Variants in FMN2 observed in about 807,000 individuals in gnomAD.
FMN2 encodes the protein formin 2.
In FMN2, 51 loss-of-function variants were observed where a neutral mutation model predicts 142.3. That is an observed-to-expected ratio of 0.36 (90% CI 0.29 to 0.45). The LOEUF is 0.45. Ranked by LOEUF, FMN2 falls within the 20% of genes least tolerant of loss-of-function variation. The pLI is 1.00. For synonymous variants in FMN2, 882 were observed against 869.8 expected (o/e 1.01, Z -0.25); for missense variants, 1,936 against 2,122.8 (o/e 0.91, Z 1.73).
At chr1:240,371,705 AT>A (rs752388390) in intron 14 of FMN2, among the ~76,000 whole-genome samples, 1 of 152,158 alleles carries the variant, frequency 6.6e-6, no homozygotes, top group Non-Finnish European at 1.5e-5. Context: ...CTGCCAGTTT[AT>A]TAATTTTCTG....
intron 14 of FMN2, among the ~76,000 whole-genome samples, chr1:240,390,304 G>T (rs1319774867): frequency 6.6e-6 from 1 of 152,146 alleles, no homozygotes; most frequent in East Asian, 1.9e-4. Context: ...CTTTATGATT[G>T]TGATATGGCT....
intron 10 of FMN2, among the ~76,000 whole-genome samples, chr1:240,329,811 T>TC (rs200344013): frequency 6.6e-6 from 1 of 151,884 alleles, no homozygotes. Flanking sequence ...CTTTTTTTTT[T>TC]ACTTTCTTTC....
intron 6 of FMN2, among the ~76,000 whole-genome samples, chr1:240,223,293 T>A (rs889735554): frequency 2.6e-5 from 4 of 152,176 alleles, no homozygotes; most frequent in Non-Finnish European, 5.9e-5. Context: ...ACGTTTTTGA[T>A]TTATGTATGT....
chr1:240,435,333 A>C (rs1259118240), intron 15 of FMN2, among the ~76,000 whole-genome samples: 1 of 152,006 alleles, frequency 6.6e-6, no homozygotes, highest in Non-Finnish European at 1.5e-5. Flanking sequence ...AAATTATTGA[A>C]TAATCAGAAT....
intron 14 of FMN2, among the ~76,000 whole-genome samples, chr1:240,381,491 G>A (rs1414862889): frequency 3.3e-5 from 5 of 151,972 alleles, no homozygotes; most frequent in South Asian, 2.1e-4. Context: ...GTGCAGTGGC[G>A]AGGTCTTGGC....
At chr1:240,306,770 T>C (rs569539013) in intron 8 of FMN2, among the ~76,000 whole-genome samples, 1 of 152,352 alleles carries the variant, frequency 6.6e-6, no homozygotes, top group Non-Finnish European at 1.5e-5. Context: ...TACCCACTAA[T>C]GGGATTGCTG....
intron 6 of FMN2, among the ~76,000 whole-genome samples, chr1:240,234,370 C>T (rs1319044943): frequency 1.3e-5 from 2 of 151,984 alleles, no homozygotes; most frequent in Admixed American, 6.6e-5. Context: ...GAACTTCTGT[C>T]GGAGAAGATA....
At chr1:240,345,555 C>G (rs1181536762) in intron 13 of FMN2, among the ~76,000 whole-genome samples, 3 of 152,148 alleles carry the variant, frequency 2.0e-5, no homozygotes, top group Non-Finnish European at 4.4e-5. Context: ...ACTGCAACCT[C>G]TGCCTCCTGG....
chr1:240,307,895 C>T (rs762154019), intron 8 of FMN2, among the ~76,000 whole-genome samples: 2 of 152,092 alleles, frequency 1.3e-5, no homozygotes, highest in African/African-American at 2.4e-5. Flanking sequence ...TTGTTTGTGT[C>T]GTCTATGATT....
chr1:240,408,930 G>T (rs16839930), intron 15 of FMN2, among the ~76,000 whole-genome samples: 2 of 152,024 alleles, frequency 1.3e-5, no homozygotes, highest in African/African-American at 4.8e-5. Flanking sequence ...AATTTCTGTT[G>T]TTGTGAGTGT....
intron 13 of FMN2, among the ~76,000 whole-genome samples, chr1:240,351,733 C>G (rs1224241561): frequency 1.3e-5 from 2 of 152,120 alleles, no homozygotes; most frequent in Admixed American, 6.5e-5. Context: ...TTTGTCACAG[C>G]CAGTCTGTGA....
intron 8 of FMN2, among the ~76,000 whole-genome samples, chr1:240,325,417 A>G (rs536456730): frequency 3.2e-4 from 48 of 152,170 alleles, no homozygotes; most frequent in East Asian, 5.8e-4. Context: ...ACATAGGTTA[A>G]AAAAAGAGTG....
chr1:240,192,640 TTCC>T (rs896363136), intron 4 of FMN2, among the ~76,000 whole-genome samples: 2 of 152,186 alleles, frequency 1.3e-5, no homozygotes, highest in African/African-American at 4.8e-5. Flanking sequence ...CCTTGAAGTC[TTCC>T]TCAGTGTCTA....
chr1:240,144,904 C>T (rs777760442), intron 2 of FMN2: 7 of 1,368,640 alleles, frequency 5.1e-6, no homozygotes, highest in Middle Eastern at 1.8e-4. Flanking sequence ...GCCTGATATA[C>T]TCATGACTCC....
chr1:240,135,775 G>A (rs1362146626), intron 2 of FMN2, among the ~76,000 whole-genome samples: 4 of 151,564 alleles, frequency 2.6e-5, no homozygotes, highest in East Asian at 1.9e-4. Context: ...CGCCTCCTGG[G>A]TTCAAGCGAT....
At chr1:240,221,942 G>A (rs1667132193) in intron 6 of FMN2, among the ~76,000 whole-genome samples, 1 of 150,426 alleles carries the variant, frequency 6.6e-6, no homozygotes, top group South Asian at 2.1e-4. Flanking sequence ...CTGCCTCCTG[G>A]GTTCAAGCAA....
rs532598093 is a variant in FMN2 at position 240,097,500 on chromosome 1, C to T, written c.1615+3776C>T. Among the ~76,000 whole-genome samples, 379 of 152,082 alleles carry T rather than the reference C, an allele frequency of 2.5e-3. 3 individuals carry two copies. Among genetic ancestry groups the T allele is most frequent in the Non-Finnish European group, 2.9e-3 (199 of 68,004 alleles). The stretch of plus-strand genomic sequence containing the variant: ...CCTCCTGAGTAGCTGGGACTACAGG[C>T]GCCCACCACCATGCCCAGCTAATTT... On this transcript the variant is annotated intron_variant, in intron 1 of 17. Coordinates refer to ENST00000319653, the MANE Select transcript of FMN2 (RefSeq NM_020066.5).
chr1:240,147,087 CT>C (rs941034473), intron 2 of FMN2, among the ~76,000 whole-genome samples: 10 of 151,858 alleles, frequency 6.6e-5, no homozygotes, highest in South Asian at 2.1e-4. Context: ...AAAATTGGGG[CT>C]TTTTTTTCTT....
chr1:240,367,640 C>A (rs1672720471), intron 14 of FMN2, among the ~76,000 whole-genome samples: 1 of 151,606 alleles, frequency 6.6e-6, no homozygotes, highest in Non-Finnish European at 1.5e-5. Flanking sequence ...TGGTGGTGGG[C>A]TCCTGTAGTC....
Sources: gnomAD v4.1 joint callset for allele counts (sites outside exome capture counted in the v4.1 genomes callset) on GRCh38, gnomAD v4.1.1 for gene constraint, MANE v1.5 for transcripts, NCBI Gene and HGNC (gene_info 2026-07-23, HGNC 2026-07-21) for gene names.